DTWD2: variants seen among roughly 807,000 people sequenced by gnomAD.
The protein encoded by DTWD2 is tRNA-uridine aminocarboxypropyltransferase 2.
In DTWD2, 39 loss-of-function variants were observed where a neutral mutation model predicts 31.8. The ratio of observed to expected loss-of-function variants is 1.22; its 90% CI spans 0.95 to 1.60. DTWD2 has a LOEUF of 1.60. DTWD2 is among the 40% of genes most tolerant of loss of function. The probability of loss-of-function intolerance (pLI) is 0.00; values close to 1 mark genes in which losing one functional copy is unlikely to be tolerated. For synonymous variants in DTWD2, 180 were observed against 142.8 expected, an observed-to-expected ratio of 1.26 and a Z score of -1.86; for missense variants, 515 against 381.5, an observed-to-expected ratio of 1.35 and a Z score of -2.92.
chr5:118,953,369 T>C (rs150349711), intron 1 of DTWD2, among the ~76,000 whole-genome samples: 293 of 152,358 alleles, frequency 1.9e-3, no homozygotes, highest in Non-Finnish European at 3.5e-3. Context: ...GATGAACTTT[T>C]GTGAGAAGTA....
chr5:118,961,968 G>T (rs1049588748), intron 1 of DTWD2, among the ~76,000 whole-genome samples: 1 of 152,150 alleles, frequency 6.6e-6, no homozygotes, highest in East Asian at 1.9e-4. Flanking sequence ...GCTGCCAGGC[G>T]CAGTGGCTCA....
chr5:118,919,807 C>G (rs973427930), intron 4 of DTWD2, among the ~76,000 whole-genome samples: 1 of 152,052 alleles, frequency 6.6e-6, no homozygotes, highest in Non-Finnish European at 1.5e-5. Context: ...CATATTTATA[C>G]TATATTTGAA....
At chr5:118,941,424 G>C (rs866396769) in intron 2 of DTWD2, among the ~76,000 whole-genome samples, 6 of 152,290 alleles carry the variant, frequency 3.9e-5, no homozygotes, top group African/African-American at 1.4e-4. Flanking sequence ...AGAACATGCA[G>C]TGTTTGGTTT....
In DTWD2 at chr5:118,988,525, G is replaced by C; in HGVS notation, c.-14C>G. ...CTGCGACTCCATGGCGGACACTCCG[G>C]TCAGGCCGTGGCATTGAAGCCCGGC... On this transcript the variant is annotated 5_prime_UTR_variant, in exon 1 of 6. Coordinates refer to ENST00000510708, the MANE Select transcript of DTWD2 (RefSeq NM_173666.4). 6.5e-7 allele frequency: 1 copy of C among 1,527,732 alleles called. No individual in the cohort carries two copies. 94.6% of individuals were successfully genotyped at this position (1,527,732 alleles called of 1,614,324 possible).
chr5:118,854,984 G>C (rs1490073380), intron 4 of DTWD2, among the ~76,000 whole-genome samples: 1 of 151,698 alleles, frequency 6.6e-6, no homozygotes, highest in Non-Finnish European at 1.5e-5. Flanking sequence ...AGACTAGCCT[G>C]GGCAACAGGC....
intron 4 of DTWD2, among the ~76,000 whole-genome samples, chr5:118,853,525 A>T (rs7710339): frequency 0.094 from 14,301 of 152,086 alleles, 809 homozygotes; most frequent in Middle Eastern, 0.17. Flanking sequence ...TAAATTGGAT[A>T]AAAAAAATGT....
At chr5:118,973,275 G>A (rs1396815073) in intron 1 of DTWD2, among the ~76,000 whole-genome samples, 1 of 152,122 alleles carries the variant, frequency 6.6e-6, no homozygotes, top group Non-Finnish European at 1.5e-5. Flanking sequence ...ACGTTGTTAC[G>A]TATGAATATG....
chr5:118,928,021 A>G (rs1039887099), intron 4 of DTWD2, among the ~76,000 whole-genome samples: 14 of 152,258 alleles, frequency 9.2e-5, no homozygotes, highest in African/African-American at 3.1e-4. Flanking sequence ...TTCCAGGAAT[A>G]TAAGAATGGA....
intron 4 of DTWD2, among the ~76,000 whole-genome samples, chr5:118,906,581 T>C (rs1753336576): frequency 6.6e-6 from 1 of 152,094 alleles, no homozygotes; most frequent in Non-Finnish European, 1.5e-5. Flanking sequence ...CTTAATAAAA[T>C]GAAGCCATTA....
intron 5 of DTWD2, among the ~76,000 whole-genome samples, chr5:118,845,785 T>C (rs1241884616): frequency 6.6e-6 from 1 of 152,224 alleles, no homozygotes; most frequent in Non-Finnish European, 1.5e-5. Context: ...ACTTTGCCTT[T>C]TGTTAGATAT....
At chr5:118,982,160 G>C (rs530188596) in intron 1 of DTWD2, among the ~76,000 whole-genome samples, 2 of 152,182 alleles carry the variant, frequency 1.3e-5, no homozygotes, top group Non-Finnish European at 2.9e-5. Context: ...TTTTAGGCTA[G>C]ACTATTTCTG....
At chr5:118,903,363 G>A (rs1217038629) in intron 4 of DTWD2, among the ~76,000 whole-genome samples, 33 of 151,988 alleles carry the variant, frequency 2.2e-4, no homozygotes, top group Non-Finnish European at 1.5e-5. Context: ...GACAAATGGA[G>A]AAGGTACACC....
chr5:118,959,224 G>A (rs903258674), intron 1 of DTWD2, among the ~76,000 whole-genome samples: 1 of 152,004 alleles, frequency 6.6e-6, no homozygotes, highest in African/African-American at 2.4e-5. Context: ...AAAGCTCCTA[G>A]ATCTAATAAA....
At chr5:118,961,082 A>AT (rs151094479) in intron 1 of DTWD2, among the ~76,000 whole-genome samples, 164 of 151,884 alleles carry the variant, frequency 1.1e-3, no homozygotes, top group South Asian at 5.2e-3. Context: ...AAAAGTTAAA[A>AT]AAAAAAGTTT....
chr5:118,869,900 G>T (rs1475630000), intron 4 of DTWD2, among the ~76,000 whole-genome samples: 1 of 152,176 alleles, frequency 6.6e-6, no homozygotes, highest in Non-Finnish European at 1.5e-5. Context: ...CACGGAGGCA[G>T]ATACCTCATG....
intron 4 of DTWD2, among the ~76,000 whole-genome samples, chr5:118,925,770 G>A (rs549302482): frequency 6.6e-5 from 10 of 151,662 alleles, no homozygotes; most frequent in South Asian, 2.1e-4. Context: ...GTGTGAACCC[G>A]GGAGGCGGAG....
intron 1 of DTWD2, among the ~76,000 whole-genome samples, chr5:118,953,152 G>A (rs887450620): frequency 3.9e-5 from 6 of 152,190 alleles, no homozygotes; most frequent in Admixed American, 1.3e-4. Flanking sequence ...CTGAGAATGT[G>A]CATTTCTAAC....
intron 1 of DTWD2, among the ~76,000 whole-genome samples, chr5:118,983,006 T>C (rs1561482214): frequency 6.6e-6 from 1 of 152,114 alleles, no homozygotes; most frequent in Non-Finnish European, 1.5e-5. Context: ...GTTTATTTTC[T>C]AAGTGCTGAT....
intron 4 of DTWD2, among the ~76,000 whole-genome samples, chr5:118,894,725 T>C (rs915403061): frequency 6.6e-6 from 1 of 152,104 alleles, no homozygotes; most frequent in Non-Finnish European, 1.5e-5. Flanking sequence ...CATATGCAAA[T>C]CAATAAACAT....
Sources: allele counts gnomAD v4.1 joint callset (sites outside exome capture counted in the v4.1 genomes callset), GRCh38; gene constraint gnomAD v4.1.1; transcripts MANE v1.5; gene names NCBI Gene and HGNC (gene_info 2026-07-23, HGNC 2026-07-21).